The following MYO16 variants were observed in gnomAD, a reference collection of about 807,000 sequenced individuals.
MYO16 encodes the protein myosin XVI.
MYO16 carries 94 observed loss-of-function variants against 205.3 expected under a neutral mutation model. The observed-to-expected ratio is 0.46, with a 90% CI of 0.39 to 0.54. The LOEUF (loss-of-function observed/expected upper bound fraction) is 0.54, where lower values mean the gene tolerates loss of function less well. Ranked by LOEUF, MYO16 falls within the 20% of genes least tolerant of loss-of-function variation. The pLI, the probability that MYO16 is intolerant of heterozygous loss-of-function variation, is 0.00. For synonymous variants in MYO16, 988 were observed against 954.0 expected, an observed-to-expected ratio of 1.04 and a Z score of -0.66; for missense variants, 2,315 against 2,387.5, an observed-to-expected ratio of 0.97 and a Z score of 0.63.
Position 108,823,216 on chromosome 13 carries a change from C to T in MYO16, c.1035C>T (p.Thr345=), listed in dbSNP as rs780361198. ...EKMKEPLSAS[T]LAQEEPYEEI... ...TGAAAGAGCCTTTATCTGCTTCTAC[C>T]TTAGCTCAAGAAGAGCCCTATGAAG... Residue 345 remains threonine (T), a synonymous_variant, in exon 9 of 35, where the codon ACC becomes ACT. Transcript: ENST00000457511. The T allele has an allele frequency of 3.1e-6, 5 of 1,613,268 alleles. No homozygotes were observed. The highest frequency in any genetic ancestry group is 4.2e-6 in the Non-Finnish European group (5 of 1,179,484).
At chr13:108,681,629 C>G (rs769426271) in intron 2 of MYO16, among the ~76,000 whole-genome samples, 1 of 151,674 alleles carries the variant, frequency 6.6e-6, no homozygotes, top group African/African-American at 2.4e-5. Context: ...AGAAGGTGAA[C>G]ATGTGCTCCT....
intron 23 of MYO16, among the ~76,000 whole-genome samples, chr13:109,023,688 T>A (rs866144287): frequency 0.015 from 1,535 of 100,202 alleles, 54 homozygotes; most frequent in African/African-American, 0.046. Flanking sequence ...TATATATACA[T>A]ATATATGTAT....
At chr13:108,817,973 G>T (rs868649641) in intron 7 of MYO16, among the ~76,000 whole-genome samples, 1 of 152,010 alleles carries the variant, frequency 6.6e-6, no homozygotes, top group African/African-American at 2.4e-5. Context: ...AGAAAGTGGT[G>T]GTAATTTTCA....
intron 21 of MYO16, among the ~76,000 whole-genome samples, chr13:109,003,556 A>G (rs1885288822): frequency 6.6e-6 from 1 of 152,162 alleles, no homozygotes; most frequent in Admixed American, 6.5e-5. Context: ...AGTTTGGTAG[A>G]TTGCTTTAGA....
intron 32 of MYO16, among the ~76,000 whole-genome samples, chr13:109,147,642 TTGA>T (rs2139823753): frequency 6.6e-6 from 1 of 152,180 alleles, no homozygotes; most frequent in Non-Finnish European, 1.5e-5. Context: ...TTCACTCCCC[TTGA>T]TGATTTCTCC....
At chr13:108,805,456 T>C (rs572179667) in intron 6 of MYO16, among the ~76,000 whole-genome samples, 1 of 152,304 alleles carries the variant, frequency 6.6e-6, no homozygotes, top group South Asian at 2.1e-4. Context: ...TTTTTGACTT[T>C]AATTTTGTCT....
chr13:108,661,379 C>T (rs1881494877), intron 1 of MYO16, among the ~76,000 whole-genome samples: 1 of 152,008 alleles, frequency 6.6e-6, no homozygotes, highest in Middle Eastern at 3.2e-3. Context: ...TATATGTTTT[C>T]CAGTTTTTCA....
chr13:108,588,880 C>T, the MYO16 span, among the ~76,000 whole-genome samples: 1 of 152,050 alleles, frequency 6.6e-6, no homozygotes, highest in Non-Finnish European at 1.5e-5. Flanking sequence ...TTCTTTTCAG[C>T]CACCGAGATT....
At chr13:108,800,126 T>C (rs757861773) in intron 6 of MYO16, among the ~76,000 whole-genome samples, 8 of 152,158 alleles carry the variant, frequency 5.3e-5, no homozygotes, top group African/African-American at 1.9e-4. Flanking sequence ...ACACTCCAGA[T>C]TTTCTCTGCT....
chr13:108,757,543 T>C (rs1566589866), intron 4 of MYO16, among the ~76,000 whole-genome samples: 1 of 152,122 alleles, frequency 6.6e-6, no homozygotes, highest in African/African-American at 2.4e-5. Flanking sequence ...GTTAGTTACA[T>C]ATGTATACAT....
intron 20 of MYO16, among the ~76,000 whole-genome samples, chr13:108,978,476 G>A (rs1335256227): frequency 6.6e-6 from 1 of 151,882 alleles, no homozygotes; most frequent in South Asian, 2.1e-4. Flanking sequence ...TTCTTTATTA[G>A]GAAGATCATA....
the MYO16 span, among the ~76,000 whole-genome samples, chr13:108,570,734 A>G: frequency 6.6e-6 from 1 of 152,248 alleles, no homozygotes; most frequent in African/African-American, 2.4e-5. Context: ...CTTTTTATTC[A>G]GAACTTTATA....
At chr13:108,992,262 C>T in intron 20 of MYO16, 114 bp from the exon 21 acceptor site, 6 of 588,152 alleles carry the variant, frequency 1.0e-5, no homozygotes, top group South Asian at 3.8e-5. Context: ...ATTTTTAGTC[C>T]AAATTGGCAG....
upstream of MYO16, chr13:108,629,085 T>C (rs1404395386): frequency 6.6e-6 from 1 of 152,210 alleles, no homozygotes; most frequent in Non-Finnish European, 1.5e-5. Context: ...TTCATTGCAG[T>C]CTGCAGAGGT....
intron 7 of MYO16, among the ~76,000 whole-genome samples, chr13:108,816,393 A>G (rs1348041677): frequency 1.8e-5 from 2 of 111,744 alleles, no homozygotes; most frequent in Non-Finnish European, 3.9e-5. Flanking sequence ...AGTTTACGCT[A>G]GAATGGGCAT....
chr13:108,853,213 C>T (rs1269050217), intron 10 of MYO16, among the ~76,000 whole-genome samples: 1 of 152,182 alleles, frequency 6.6e-6, no homozygotes, highest in Non-Finnish European at 1.5e-5. Flanking sequence ...CAAAGTGGAA[C>T]TCAGTGTATA....
chr13:108,804,391 A>G (rs1343105836), intron 6 of MYO16, among the ~76,000 whole-genome samples: 1 of 152,112 alleles, frequency 6.6e-6, no homozygotes. Context: ...CAGGAGAGGA[A>G]TGTTCTGAGA....
intron 16 of MYO16, among the ~76,000 whole-genome samples, chr13:108,929,973 A>G (rs537743077): frequency 6.6e-6 from 1 of 152,360 alleles, no homozygotes; most frequent in East Asian, 1.9e-4. Flanking sequence ...GAATAGATCT[A>G]TAAACCTAAA....
chr13:109,189,829 C>T (rs139739561), intron 34 of MYO16, among the ~76,000 whole-genome samples: 11 of 152,290 alleles, frequency 7.2e-5, no homozygotes, highest in Non-Finnish European at 1.2e-4. Flanking sequence ...TTAGAGTAGG[C>T]CCAAGAAATC....
Sources: allele counts gnomAD v4.1 joint callset (sites outside exome capture counted in the v4.1 genomes callset), GRCh38; gene constraint gnomAD v4.1.1; transcripts MANE v1.5; gene names NCBI Gene and HGNC (gene_info 2026-07-23, HGNC 2026-07-21).